ZMIZ1: variants seen among roughly 807,000 people sequenced by gnomAD.
ZMIZ1 encodes zinc finger MIZ-type containing 1.
ZMIZ1 carries 17 observed loss-of-function variants against 113.9 expected under a neutral mutation model. The ratio of observed to expected loss-of-function variants is 0.15; its 90% CI spans 0.10 to 0.22. The LOEUF is 0.22. Ranked by LOEUF, ZMIZ1 falls within the 10% of genes least tolerant of loss-of-function variation. ZMIZ1 has a pLI of 1.00. For missense variants in ZMIZ1, 1,059 were observed against 1,477.8 expected (o/e 0.72, Z 4.65); for synonymous variants, 607 against 603.1 (o/e 1.01, Z -0.09).
chr10:79,281,171 T>C lies in ZMIZ1; in HGVS notation c.425+3846T>C, dbSNP rs926811988. Among the ~76,000 whole-genome samples, 4 of 151,900 alleles carry C rather than the reference T, an allele frequency of 2.6e-5. No individual in the cohort carries two copies. The East Asian group carries it at 7.7e-4, about 29-fold the overall frequency. The stretch of plus-strand genomic sequence containing the variant: ...CTCGGCCAGCCCTTTGCCAGCTGAG[T>C]TGAGCTAAGGCATGAGGTTGTTCGG... On this transcript the variant is annotated intron_variant, in intron 8 of 24. Coordinates refer to ENST00000334512, the MANE Select transcript of ZMIZ1 (RefSeq NM_020338.4).
intron 1 of ZMIZ1, among the ~76,000 whole-genome samples, chr10:79,108,216 G>A (rs2132284782): frequency 6.6e-6 from 1 of 152,310 alleles, no homozygotes; most frequent in East Asian, 1.9e-4. Flanking sequence ...CTTTTCCCTA[G>A]GCAGCAGATC....
chr10:79,265,958 G>C (rs932847942), intron 7 of ZMIZ1, among the ~76,000 whole-genome samples: 1 of 152,178 alleles, frequency 6.6e-6, no homozygotes, highest in African/African-American at 2.4e-5. Flanking sequence ...CCCTGCTAGC[G>C]GTGTGGAGAG....
chr10:79,262,482 G>A (rs1851327423), intron 7 of ZMIZ1, among the ~76,000 whole-genome samples: 1 of 152,242 alleles, frequency 6.6e-6, no homozygotes, highest in Non-Finnish European at 1.5e-5. Context: ...CTGAGTAACA[G>A]GTGCAGCCAG....
chr10:79,299,997 G>A (rs182933744), intron 16 of ZMIZ1, among the ~76,000 whole-genome samples: 4 of 151,560 alleles, frequency 2.6e-5, no homozygotes, highest in African/African-American at 9.8e-5. Context: ...CTGGGTCTGT[G>A]CCTGGCACAT....
Position 79,293,468 on chromosome 10 carries a change from G to C in ZMIZ1, c.1045G>C (p.Ala349Pro). 4 of 1,563,720 alleles carry C rather than the reference G, an allele frequency of 2.6e-6. No homozygotes were observed. The highest frequency in any genetic ancestry group is 3.5e-6 in the Non-Finnish European group (4 of 1,153,036). The change falls in exon 12 of 25, where the codon GCG (alanine) becomes CCG (proline). Residue 349 changes from alanine (A) to proline (P), a missense_variant. By Grantham distance (27) the Ala-to-Pro change is conservative (BLOSUM62 -1). Coordinates refer to ENST00000334512, the MANE Select transcript of ZMIZ1 (RefSeq NM_020338.4). ...PASMGGSMNP[A>P]SMAAGMTPSG... ...CTCCATGGGGGGCAGCATGAACCCC[G>C]CGAGCATGGCGGCTGGCATGACGCC...
At chr10:79,102,382 C>T (rs529172858) in intron 1 of ZMIZ1, among the ~76,000 whole-genome samples, 1 of 152,236 alleles carries the variant, frequency 6.6e-6, no homozygotes, top group South Asian at 2.1e-4. Flanking sequence ...CTGCCCCACC[C>T]GGGAGAGAAG....
At chr10:79,191,377 G>GA (rs1286397634) in intron 4 of ZMIZ1, among the ~76,000 whole-genome samples, 1 of 151,880 alleles carries the variant, frequency 6.6e-6, no homozygotes, top group East Asian at 1.9e-4. Context: ...GGTGGTCGGG[G>GA]GGGGTCCTGC....
Position 79,263,556 on chromosome 10 carries a change from C to T in ZMIZ1, c.281-13625C>T, listed in dbSNP as rs375545083. Among the ~76,000 whole-genome samples the T allele has an allele frequency of 4.5e-4, 69 of 152,206 alleles. No individual in the cohort carries two copies. The South Asian group carries it at 0.014, about 31-fold the overall frequency. The stretch of plus-strand genomic sequence containing the variant: ...TTTTCTTTGTAATAAACAGTGATGC[C>T]CTAGGCTCACCACCTCCCCAAGGCT... On this transcript the variant is annotated intron_variant, in intron 7 of 24. Transcript: ENST00000334512.
chr10:79,183,663 G>A (rs995884224), intron 4 of ZMIZ1, among the ~76,000 whole-genome samples: 2 of 152,354 alleles, frequency 1.3e-5, no homozygotes, highest in East Asian at 1.9e-4. Flanking sequence ...GCCCTTGGCT[G>A]TGTTGCTTTC....
At chr10:79,143,340 G>A (rs564495838) in intron 3 of ZMIZ1, among the ~76,000 whole-genome samples, 1 of 152,180 alleles carries the variant, frequency 6.6e-6, no homozygotes, top group South Asian at 2.1e-4. Flanking sequence ...CGAGACTCTG[G>A]AAACAGACCC....
chr10:79,273,340 G>A (rs1251389502), intron 7 of ZMIZ1, among the ~76,000 whole-genome samples: 1 of 147,210 alleles, frequency 6.8e-6, no homozygotes, highest in East Asian at 2.0e-4. Context: ...CCTGCTTCTT[G>A]GTTTCTTTTT....
At chr10:79,259,004 G>C (rs1236773413) in intron 7 of ZMIZ1, among the ~76,000 whole-genome samples, 1 of 152,208 alleles carries the variant, frequency 6.6e-6, no homozygotes, top group African/African-American at 2.4e-5. Flanking sequence ...CGGATTGTGT[G>C]TGACGGTCTA....
chr10:79,266,998 G>C (rs913333339), intron 7 of ZMIZ1, among the ~76,000 whole-genome samples: 6 of 152,256 alleles, frequency 3.9e-5, no homozygotes, highest in Non-Finnish European at 7.3e-5. Flanking sequence ...AGGGGCTTGG[G>C]CTCTGCCCAC....
At chr10:79,303,962 C>T (rs1854510736) in intron 18 of ZMIZ1, 53 bp from the exon 19 acceptor site, 1 of 1,608,792 alleles carries the variant, frequency 6.2e-7, no homozygotes, top group Non-Finnish European at 8.5e-7. Context: ...AGACCCCCTA[C>T]CTCTGCAGGA....
intron 4 of ZMIZ1, among the ~76,000 whole-genome samples, chr10:79,198,906 C>T (rs904685660): frequency 6.6e-6 from 1 of 152,014 alleles, no homozygotes. Context: ...TGGTGGCAGG[C>T]GCCTGTAATC....
chr10:79,255,096 G>A (rs892592701), intron 7 of ZMIZ1, among the ~76,000 whole-genome samples: 2 of 152,188 alleles, frequency 1.3e-5, no homozygotes, highest in Non-Finnish European at 1.5e-5. Flanking sequence ...AGCCCAAGCC[G>A]ATTCCCTCTG....
chr10:79,101,327 G>C (rs1011607429), intron 1 of ZMIZ1, among the ~76,000 whole-genome samples: 1 of 152,156 alleles, frequency 6.6e-6, no homozygotes, highest in African/African-American at 2.4e-5. Context: ...TCCTAGTCTG[G>C]AAGTGAGGGA....
chr10:79,288,703 C>G (rs763872127), intron 8 of ZMIZ1, among the ~76,000 whole-genome samples: 2 of 152,146 alleles, frequency 1.3e-5, no homozygotes, highest in African/African-American at 2.4e-5. Context: ...TCCCCAGCCT[C>G]CTGGGGGCTG....
intron 7 of ZMIZ1, among the ~76,000 whole-genome samples, chr10:79,221,456 CCCCT>C (rs1450472067): frequency 4.6e-5 from 7 of 152,208 alleles, no homozygotes; most frequent in African/African-American, 1.4e-4. Context: ...CTCACCAGGC[CCCCT>C]CCCTCCTCAG....
Sources: gnomAD v4.1 joint callset for allele counts (sites outside exome capture counted in the v4.1 genomes callset) on GRCh38, gnomAD v4.1.1 for gene constraint, MANE v1.5 for transcripts, NCBI Gene and HGNC (gene_info 2026-07-23, HGNC 2026-07-21) for gene names.